PTPRE: variants seen among roughly 807,000 people sequenced by gnomAD.
PTPRE encodes receptor-type tyrosine-protein phosphatase epsilon.
PTPRE carries 51 observed loss-of-function variants against 102.0 expected under a neutral mutation model. The observed-to-expected ratio is 0.50, with a 90% CI of 0.40 to 0.63. The LOEUF (loss-of-function observed/expected upper bound fraction) is 0.63. PTPRE is among the 30% of genes least tolerant of loss of function. The probability of loss-of-function intolerance (pLI) is 0.00; values close to 1 mark genes in which losing one functional copy is unlikely to be tolerated. For missense variants in PTPRE, 752 were observed against 915.1 expected (o/e 0.82, Z 2.30); for synonymous variants, 345 against 348.2 (o/e 0.99, Z 0.10).
chr10:127,984,245 C>A (rs1435094055), intron 2 of PTPRE, among the ~76,000 whole-genome samples: 1 of 151,898 alleles, frequency 6.6e-6, no homozygotes, highest in Non-Finnish European at 1.5e-5. Context: ...CCATGTCTGG[C>A]TAATTTTGTA....
Position 128,082,953 on chromosome 10 carries a change from T to G in PTPRE, c.*47T>G. The G allele has an allele frequency of 6.9e-7, 1 of 1,442,954 alleles. No individual in the cohort carries two copies. The highest frequency in any genetic ancestry group is 9.2e-7 in the Non-Finnish European group (1 of 1,085,448). 89.4% of individuals were successfully genotyped at this position (1,442,954 alleles called of 1,614,324 possible). On this transcript the variant is annotated 3_prime_UTR_variant, in exon 21 of 21. Coordinates refer to ENST00000254667, the MANE Select transcript of PTPRE (RefSeq NM_006504.6). ...TTTTAATTTAATGGTCAGTATATTT[T>G]GTAAAAATCATGTTAATTTATTTCA... is the stretch of plus-strand genomic sequence containing the variant.
intron 1 of PTPRE, among the ~76,000 whole-genome samples, chr10:127,960,978 A>G (rs528957608): frequency 1.5e-4 from 22 of 150,844 alleles, no homozygotes; most frequent in Middle Eastern, 3.4e-3. Flanking sequence ...CTGAGATAGC[A>G]CCACTGCAGT....
chr10:127,914,731 C>T (rs1047813377), intron 1 of PTPRE, among the ~76,000 whole-genome samples: 3 of 152,162 alleles, frequency 2.0e-5, no homozygotes, highest in African/African-American at 7.2e-5. Context: ...CTGTTCTAGA[C>T]GTAGGAGAGA....
At chr10:127,951,223 A>G (rs905920106) in intron 1 of PTPRE, among the ~76,000 whole-genome samples, 1 of 152,250 alleles carries the variant, frequency 6.6e-6, no homozygotes, top group Admixed American at 6.5e-5. Flanking sequence ...TGGCTCCTCA[A>G]TGAATTCCCA....
intron 19 of PTPRE, 45 bp from the exon 20 acceptor site, chr10:128,079,515 C>G: frequency 6.3e-7 from 1 of 1,595,376 alleles, no homozygotes; most frequent in South Asian, 1.1e-5. Context: ...TTCTCATCCC[C>G]AAGTGCAAGT....
Position 128,049,599 on chromosome 10 carries a change from A to G in PTPRE, c.353A>G (p.Glu118Gly), listed in dbSNP as rs1487311305. 1 of 1,613,996 alleles carries G rather than the reference A, an allele frequency of 6.2e-7. No individual in the cohort carries two copies. Among genetic ancestry groups the G allele is most frequent in the East Asian group, 2.2e-5 (1 of 44,854 alleles). Residue 118 changes from glutamate to glycine, a missense_variant, in exon 6 of 21, where the codon GAG becomes GGG. Glu to Gly is a moderately conservative substitution (Grantham distance 98). This residue lies in a region of PTPRE where 636 missense variants were observed against 824.4 expected (regional missense o/e 0.77). Transcript: ENST00000254667. ...AAGAAGTATTTTCCCATCCCCGTGGAGCACCTGGAGGAGGAGATCCGTATC... is the reference window on the plus strand; with the variant it reads ...AAGAAGTATTTTCCCATCCCCGTGGGGCACCTGGAGGAGGAGATCCGTATC... ...GPKKYFPIPV[E>G]HLEEEIRIRS...
chr10:128,070,822 C>A lies in PTPRE; in HGVS notation c.1308C>A (p.Val436=). The part of the protein sequence containing the change: ...LEEEFRKLTN[V]RIMKENMRTG... ...CTCTGCTGCAGAAATTGACAAATGTCCGGATCATGAAGGAGAACATGAGGA... is the reference window on the plus strand; with the variant it reads ...CTCTGCTGCAGAAATTGACAAATGTACGGATCATGAAGGAGAACATGAGGA... The change falls in exon 15 of 21, where the codon GTC becomes GTA. Residue 436 remains valine (V), a synonymous_variant. Transcript: ENST00000254667. This position sits in a 1 kb window ranked among gnomAD's most constrained non-coding sequence, Gnocchi z 4.8. 2 of 1,613,846 alleles carry A rather than the reference C, an allele frequency of 1.2e-6. No individual in the cohort carries two copies. Among genetic ancestry groups the A allele is most frequent in the Non-Finnish European group, 1.7e-6 (2 of 1,179,738 alleles).
intron 1 of PTPRE, among the ~76,000 whole-genome samples, chr10:127,923,398 ATTTTTTTTTTTT>A (rs35994733): frequency 2.8e-5 from 3 of 106,926 alleles, no homozygotes; most frequent in Non-Finnish European, 5.5e-5. Flanking sequence ...ACCAGTTTGA[ATTTTTTTTTTTT>A]TTTTTTTTTT....
intron 2 of PTPRE, among the ~76,000 whole-genome samples, chr10:128,023,950 G>A (rs6482643): frequency 0.58 from 87,561 of 152,032 alleles, 25,508 homozygotes; most frequent in East Asian, 0.62. Flanking sequence ...ATGAGTAAAG[G>A]ATTCAACCGG....
chr10:128,070,272 G>C lies in PTPRE; in HGVS notation c.1144-29G>C. The stretch of plus-strand genomic sequence containing the variant: ...GGCCAAGACTGCAGGGCAGAGTTGA[G>C]GGTGTGGGCACCCCTGGCCTCTCTG... On this transcript the variant is annotated intron_variant, in intron 13 of 20. Coordinates refer to ENST00000254667, the MANE Select transcript of PTPRE (RefSeq NM_006504.6). The surrounding 1 kb of genome is among the most constrained non-coding windows in gnomAD (Gnocchi z 4.8). 1.1e-5 allele frequency: 17 copies of C among 1,580,678 alleles called. No individual in the cohort carries two copies. Among genetic ancestry groups the C allele is most frequent in the Non-Finnish European group, 1.5e-5 (17 of 1,161,064 alleles).
chr10:128,025,158 C>CA (rs71472683), intron 2 of PTPRE, among the ~76,000 whole-genome samples: 27,694 of 65,720 alleles, frequency 0.42, 6,754 homozygotes, highest in East Asian at 0.62. Flanking sequence ...GATCCTGTCT[C>CA]AAAAAAAAAA....
intron 19 of PTPRE, among the ~76,000 whole-genome samples, chr10:128,078,920 C>T (rs11016056): frequency 0.29 from 44,371 of 152,060 alleles, 7,293 homozygotes; most frequent in Middle Eastern, 0.39. Context: ...TGGAAGAGGC[C>T]GGTCCACCCC....
At chr10:128,060,848 C>A in intron 7 of PTPRE, 91 bp from the exon 8 acceptor site, 1 of 1,267,424 alleles carries the variant, frequency 7.9e-7, no homozygotes, top group Non-Finnish European at 1.1e-6. Context: ...GCTGACACTG[C>A]AGATGAAGAG....
intron 5 of PTPRE, 71 bp from the exon 6 acceptor site, chr10:128,049,459 T>C (rs1187945929): frequency 1.3e-6 from 2 of 1,555,554 alleles, no homozygotes; most frequent in South Asian, 1.1e-5. Flanking sequence ...ATGTCGTTGG[T>C]CAGCTTGGTT....
intron 3 of PTPRE, 73 bp downstream of exon 3, chr10:128,041,063 A>G: frequency 7.8e-7 from 1 of 1,288,608 alleles, no homozygotes; most frequent in Non-Finnish European, 1.1e-6. Flanking sequence ...AGAGGGTGAT[A>G]AAGGGGCTTA....
At chr10:128,021,339 G>A (rs1237524313) in intron 2 of PTPRE, among the ~76,000 whole-genome samples, 1 of 152,186 alleles carries the variant, frequency 6.6e-6, no homozygotes, top group Non-Finnish European at 1.5e-5. Flanking sequence ...ACCTCCTGGG[G>A]GCAGGGGTGT....
chr10:128,023,248 A>G (rs994369675), intron 2 of PTPRE, among the ~76,000 whole-genome samples: 1 of 152,232 alleles, frequency 6.6e-6, no homozygotes, highest in Non-Finnish European at 1.5e-5. Flanking sequence ...TATAGGAAAA[A>G]GCATAGTATA....
chr10:128,060,087 C>CCACACACATACCACACACT (rs1849416957), intron 7 of PTPRE, among the ~76,000 whole-genome samples: 1 of 110,874 alleles, frequency 9.0e-6, no homozygotes. Flanking sequence ...ACACTACACA[C>CCACACACATACCACACACT]ACACACACAC....
chr10:127,962,302 A>T (rs1488117788), intron 1 of PTPRE, among the ~76,000 whole-genome samples: 2 of 152,138 alleles, frequency 1.3e-5, no homozygotes, highest in East Asian at 3.9e-4. Flanking sequence ...ACGGCATGTG[A>T]GTGCGGCACA....
Sources: gnomAD v4.1 joint callset for allele counts (sites outside exome capture counted in the v4.1 genomes callset) on GRCh38, gnomAD v4.1.1 for gene constraint, gnomAD v4.1.1 regional missense constraint, Gnocchi (gnomAD v3.1) non-coding constraint, MANE v1.5 for transcripts, NCBI Gene and HGNC (gene_info 2026-07-23, HGNC 2026-07-21) for gene names.